The following VLDLR variants were observed in gnomAD, a reference collection of about 807,000 sequenced individuals.
VLDLR encodes the protein very low-density lipoprotein receptor.
A neutral mutation model predicts 112.7 loss-of-function variants in VLDLR; 81 were observed. The observed-to-expected ratio is 0.72, with a 90% confidence interval of 0.60 to 0.86. VLDLR has a LOEUF of 0.86. Ranked by LOEUF, VLDLR falls within the 40% of genes least tolerant of loss-of-function variation. VLDLR has a pLI of 0.00. For missense variants in VLDLR, 1,237 were observed against 1,099.4 expected, an observed-to-expected ratio of 1.13 and a Z score of -1.77; for synonymous variants, 436 against 384.8, an observed-to-expected ratio of 1.13 and a Z score of -1.56.
chr9:2,622,772 C>T (rs984755426), intron 1 of VLDLR, among the ~76,000 whole-genome samples: 2 of 152,112 alleles, frequency 1.3e-5, no homozygotes, highest in African/African-American at 4.8e-5. Context: ...GGCCGGGCTT[C>T]AGAGTCTTCC....
chr9:2,631,405 T>C (rs532025954), intron 1 of VLDLR, among the ~76,000 whole-genome samples: 10 of 152,204 alleles, frequency 6.6e-5, no homozygotes, highest in African/African-American at 2.4e-4. Context: ...AGATACAGAA[T>C]CAACCTAAAT....
Position 2,644,750 on chromosome 9 carries a change from G to A in VLDLR, c.1083G>A (p.Leu361=). 1 of 1,614,084 alleles carries A rather than the reference G, an allele frequency of 6.2e-7. No individual in the cohort carries two copies. Among genetic ancestry groups the A allele is most frequent in the Non-Finnish European group, 8.5e-7 (1 of 1,180,018 alleles). ...TTATTCCAGATATAAACGAATGCTT[G>A]GTAAATAATGGTGGATGTTCTCATA... ...PLKECHINEC[L]VNNGGCSHIC... Residue 361 remains leucine (L), a synonymous_variant, in exon 8 of 19, where the codon TTG becomes TTA. Coordinates refer to ENST00000382100, the MANE Select transcript of VLDLR (RefSeq NM_003383.5).
At chr9:2,625,334 C>G (rs1306276252) in intron 1 of VLDLR, among the ~76,000 whole-genome samples, 1 of 152,170 alleles carries the variant, frequency 6.6e-6, no homozygotes, top group Non-Finnish European at 1.5e-5. Context: ...GTTTTGATCC[C>G]AAACCTTGAA....
At chr9:2,645,772 C>T (rs1272709382) in intron 10 of VLDLR, 27 bp downstream of exon 10, 2 of 1,613,868 alleles carry the variant, frequency 1.2e-6, no homozygotes, top group Non-Finnish European at 8.5e-7. Flanking sequence ...TTTGTGGTGT[C>T]TTGACATAAG....
chr9:2,637,172 C>A (rs900817540), intron 2 of VLDLR, among the ~76,000 whole-genome samples: 6 of 152,224 alleles, frequency 3.9e-5, no homozygotes, highest in Non-Finnish European at 7.3e-5. Flanking sequence ...CAGGGAAGGT[C>A]TGAGTGCTTA....
intron 1 of VLDLR, 66 bp downstream of exon 1, chr9:2,622,337 C>T: frequency 1.5e-6 from 2 of 1,341,318 alleles, no homozygotes; most frequent in Non-Finnish European, 1.9e-6. Flanking sequence ...GACCCCGAGG[C>T]GTAGGTCTCC....
intron 1 of VLDLR, 158 bp downstream of exon 1, chr9:2,622,429 T>C (rs1300526188): frequency 1.3e-5 from 8 of 629,752 alleles, no homozygotes; most frequent in Non-Finnish European, 1.9e-5. Flanking sequence ...GCCTCTGAGC[T>C]GTCAGCGCCG....
rs7874933 is a variant in VLDLR at position 2,622,554 on chromosome 9, T to C, written c.82+283T>C. Among the ~76,000 whole-genome samples, 99,450 of 152,148 alleles carry C rather than the reference T, an allele frequency of 0.65. 36,305 individuals carry two copies. The highest frequency in any genetic ancestry group is 0.91 in the East Asian group (4,663 of 5,148). ...CCCCCAGAGCCGCTGCTTCGCCTCGTTTCTCGCCCTCTTGACGGGCGCCGA... is the reference window on the plus strand; with the variant it reads ...CCCCCAGAGCCGCTGCTTCGCCTCGCTTCTCGCCCTCTTGACGGGCGCCGA... On this transcript the variant is annotated intron_variant, in intron 1 of 18. Transcript: ENST00000382100.
chr9:2,644,515 T>C (rs572802918), intron 7 of VLDLR, among the ~76,000 whole-genome samples: 1 of 151,952 alleles, frequency 6.6e-6, no homozygotes, highest in Admixed American at 6.6e-5. Context: ...TGATCATCAA[T>C]AGAGAAACTT....
chr9:2,630,106 T>TA (rs1817274727), intron 1 of VLDLR, among the ~76,000 whole-genome samples: 3 of 152,170 alleles, frequency 2.0e-5, no homozygotes, highest in African/African-American at 7.2e-5. Context: ...AACTGGTTCT[T>TA]ACAATGTTTC....
In VLDLR at chr9:2,645,693, A is replaced by T; in HGVS notation, c.1432A>T (p.Ile478Phe). The T allele has an allele frequency of 6.2e-7, 1 of 1,614,190 alleles. No individual in the cohort carries two copies. The highest frequency in any genetic ancestry group is 8.5e-7 in the Non-Finnish European group (1 of 1,180,038). ...AAACACTGTGGCTCTCGATGCTGAC[A>T]TTGCTGCCCAGAAACTATTCTGGGC... ...LRNTVALDAD[I>F]AAQKLFWADL... Residue 478 changes from isoleucine (I) to phenylalanine (F), a missense_variant, in exon 10 of 19, where the codon ATT (isoleucine) becomes TTT (phenylalanine). By Grantham distance (21) the Ile-to-Phe change is conservative (BLOSUM62 0). Transcript: ENST00000382100.
intron 9 of VLDLR, among the ~76,000 whole-genome samples, 155 bp downstream of exon 9, chr9:2,645,237 G>T (rs1245743904): frequency 6.6e-6 from 1 of 152,178 alleles, no homozygotes; most frequent in Non-Finnish European, 1.5e-5. Context: ...TCAAATAGCA[G>T]ATCTCTCCCC....
At chr9:2,635,402 T>G (rs775915818) in intron 1 of VLDLR, 51 bp from the exon 2 acceptor site, 72 of 1,612,616 alleles carry the variant, frequency 4.5e-5, no homozygotes, top group Non-Finnish European at 6.1e-5. Context: ...ATTAGGTATC[T>G]TGAATCTATA....
At position 2,648,740 on chromosome 9, in the gene VLDLR, A is replaced by G; in HGVS notation, c.2034A>G (p.Leu678=). Residue 678 remains leucine (L), a synonymous_variant, in exon 14 of 19, where the codon CTA becomes CTG. Coordinates refer to ENST00000382100, the MANE Select transcript of VLDLR (RefSeq NM_003383.5). ...CCAATAAATTCACTGGATCAGAGCT[A>G]GCCACTCTAGTCAACAACCTGAATG... The part of the protein sequence containing the change: ...YGANKFTGSE[L]ATLVNNLNDA... The G allele has an allele frequency of 1.2e-6, 2 of 1,614,210 alleles. No homozygotes were observed. Among genetic ancestry groups the G allele is most frequent in the South Asian group, 2.2e-5 (2 of 91,082 alleles).
intron 1 of VLDLR, among the ~76,000 whole-genome samples, chr9:2,623,318 C>T (rs1290323489): frequency 1.3e-5 from 2 of 152,190 alleles, no homozygotes; most frequent in African/African-American, 4.8e-5. Context: ...TGAGAGGACT[C>T]AGTCGGAATC....
chr9:2,629,005 T>G (rs1817221891), intron 1 of VLDLR, among the ~76,000 whole-genome samples: 1 of 152,238 alleles, frequency 6.6e-6, no homozygotes, highest in Non-Finnish European at 1.5e-5. Context: ...CTGTAGCTTC[T>G]TAACCTTAGT....
At chr9:2,649,549 G>A (rs975892164) in intron 14 of VLDLR, among the ~76,000 whole-genome samples, 1 of 152,150 alleles carries the variant, frequency 6.6e-6, no homozygotes, top group Non-Finnish European at 1.5e-5. Flanking sequence ...GAGCCACCAC[G>A]TCCAGCTAAA....
intron 17 of VLDLR, among the ~76,000 whole-genome samples, chr9:2,652,320 TAA>T (rs1230605627): frequency 1.3e-5 from 2 of 152,242 alleles, no homozygotes; most frequent in Non-Finnish European, 2.9e-5. Flanking sequence ...GCTTAAATGC[TAA>T]GAGTTACAGG....
At position 2,648,493 on chromosome 9, in the gene VLDLR, CTA is replaced by C. The variant is rs1324316168; in HGVS notation, c.1962+147_1962+148del. 10 of 1,512,544 alleles carry C rather than the reference CTA, an allele frequency of 6.6e-6. No individual in the cohort carries two copies. The Admixed American group carries it at 6.8e-5, about 10-fold the overall frequency. 93.7% of individuals were successfully genotyped at this position (1,512,544 alleles called of 1,614,324 possible). A position where few individuals can be genotyped will look rare whatever the true frequency, so the allele number is the denominator to read the frequency against. ...CTTAAAACCTGGTACAAATCAGACA[CTA>C]AGTCCCAGAAGCACTCCACACCTAA... is the stretch of plus-strand genomic sequence containing the variant. On this transcript the variant is annotated intron_variant, in intron 13 of 18. Transcript: ENST00000382100.
Sources: allele counts gnomAD v4.1 joint callset (sites outside exome capture counted in the v4.1 genomes callset), GRCh38; gene constraint gnomAD v4.1.1; transcripts MANE v1.5; gene names NCBI Gene and HGNC (gene_info 2026-07-23, HGNC 2026-07-21).